SLC35F3: variants seen among roughly 807,000 people sequenced by gnomAD.
SLC35F3 encodes the protein putative thiamine transporter SLC35F3.
In SLC35F3, 25 loss-of-function variants were observed where a neutral mutation model predicts 49.9. The observed-to-expected ratio is 0.50, with a 90% CI of 0.37 to 0.70. The LOEUF (loss-of-function observed/expected upper bound fraction) is 0.70, where lower values mean the gene tolerates loss of function less well. Among genes scored for constraint, SLC35F3 ranks in the 30% least tolerant of loss-of-function variants. The pLI is 0.00. For synonymous variants in SLC35F3, 275 were observed against 265.4 expected (o/e 1.04, Z -0.35); for missense variants, 525 against 639.8 (o/e 0.82, Z 1.94).
intron 2 of SLC35F3, among the ~76,000 whole-genome samples, chr1:233,947,283 G>T (rs1374561735): frequency 6.6e-6 from 1 of 152,084 alleles, no homozygotes; most frequent in East Asian, 1.9e-4. Context: ...GCCACATAGG[G>T]CATATGTCCA....
intron 2 of SLC35F3, among the ~76,000 whole-genome samples, chr1:233,991,539 C>T (rs936562176): frequency 6.6e-6 from 1 of 152,170 alleles, no homozygotes; most frequent in African/African-American, 2.4e-5. Flanking sequence ...TCAATTCCTC[C>T]TTTGTTCTTG....
At chr1:234,157,344 A>G (rs1427947014) in intron 2 of SLC35F3, among the ~76,000 whole-genome samples, 1 of 152,160 alleles carries the variant, frequency 6.6e-6, no homozygotes, top group Non-Finnish European at 1.5e-5. Context: ...CCTTTTAAAC[A>G]TAAGCCAGAT....
intron 3 of SLC35F3, among the ~76,000 whole-genome samples, chr1:234,266,096 G>T (rs1667975118): frequency 1.3e-5 from 2 of 152,138 alleles, no homozygotes; most frequent in African/African-American, 4.8e-5. Context: ...TACTCTATAT[G>T]TGTTTGTTTG....
In SLC35F3 at chr1:234,299,783, C is replaced by T. The variant is rs189886611; in HGVS notation, c.609-9318C>T. Among the ~76,000 whole-genome samples the T allele has an allele frequency of 4.2e-3, 468 of 112,066 alleles. 5 individuals carry two copies. The highest frequency in any genetic ancestry group is 0.016 in the African/African-American group (441 of 27,752). 73.5% of individuals were successfully genotyped at this position (112,066 alleles called of 152,430 possible). The stretch of plus-strand genomic sequence containing the variant: ...TTGCACCACTGCACTCCAGCCTGAG[C>T]GATAGAGCAAGACTCCATCTCAAAA... On this transcript the variant is annotated intron_variant, in intron 3 of 7. Transcript: ENST00000366618.
chr1:234,001,739 A>G (rs531011589), intron 2 of SLC35F3, among the ~76,000 whole-genome samples: 1 of 152,326 alleles, frequency 6.6e-6, no homozygotes, highest in Admixed American at 6.5e-5. Flanking sequence ...GACTTTAGCA[A>G]GGAAGAGGGC....
chr1:234,253,525 C>T (rs1173798105), intron 3 of SLC35F3, among the ~76,000 whole-genome samples: 2 of 149,992 alleles, frequency 1.3e-5, no homozygotes, highest in Non-Finnish European at 3.0e-5. Context: ...GAAGGATAAA[C>T]AAGAAAACTA....
chr1:234,295,837 C>T (rs776171252), intron 3 of SLC35F3, among the ~76,000 whole-genome samples: 8 of 152,208 alleles, frequency 5.3e-5, no homozygotes, highest in South Asian at 2.1e-4. Flanking sequence ...GGGACTCTGA[C>T]GGGCACCCTC....
rs12137461 is a variant in SLC35F3, at chr1:234,041,406, T to C, written c.283+135648T>C. ...GAGGGATTTCTTTCCAGACCTGAAA[T>C]TGATATACATCATTTCCACCTACAT... is the stretch of plus-strand genomic sequence containing the variant. On this transcript the variant is annotated intron_variant, in intron 2 of 7. Coordinates refer to ENST00000366618, the MANE Select transcript of SLC35F3 (RefSeq NM_173508.4). Among the ~76,000 whole-genome samples the C allele has an allele frequency of 3.3e-5, 5 of 152,012 alleles. No homozygotes were observed. The South Asian group carries it at 1.0e-3, about 31-fold the overall frequency.
At chr1:234,224,223 C>T (rs995408759) in intron 2 of SLC35F3, among the ~76,000 whole-genome samples, 2 of 152,094 alleles carry the variant, frequency 1.3e-5, no homozygotes, top group Admixed American at 6.6e-5. Context: ...CACCACCATG[C>T]GCAGCTAATT....
In SLC35F3 at chr1:234,027,596, G is replaced by T. The variant is rs1365227735; in HGVS notation, c.283+121838G>T. 6.6e-6 allele frequency among the ~76,000 whole-genome samples: 1 copy of T among 152,152 alleles called. No individual in the cohort carries two copies. Among genetic ancestry groups the T allele is most frequent in the Non-Finnish European group, 1.5e-5 (1 of 68,032 alleles). On this transcript the variant is annotated intron_variant, in intron 2 of 7. Coordinates refer to ENST00000366618, the MANE Select transcript of SLC35F3 (RefSeq NM_173508.4). The surrounding 1 kb of genome is among the most constrained non-coding windows in gnomAD (Gnocchi z 4.1). ...TCTCTGATCTAAGCAAGACAAAAAC[G>T]AGGGCCTAAACTAAGCTGGTCACAG...
rs369266883 is a variant in SLC35F3 at position 234,270,654 on chromosome 1, G to A, written c.609-38447G>A. Among the ~76,000 whole-genome samples, 369 of 152,336 alleles carry A rather than the reference G, an allele frequency of 2.4e-3. 1 individual carries two copies. Among genetic ancestry groups the A allele is most frequent in the African/African-American group, 8.4e-3 (350 of 41,574 alleles). On this transcript the variant is annotated intron_variant, in intron 3 of 7. Transcript: ENST00000366618. ...CTCATTGCACATTCTGGAGGTCCGT[G>A]CTGGCCCAGCCCTGCTAACTGTGAT... is the stretch of plus-strand genomic sequence containing the variant.
chr1:234,139,499 T>C (rs1665859476), intron 2 of SLC35F3, among the ~76,000 whole-genome samples: 1 of 152,176 alleles, frequency 6.6e-6, no homozygotes, highest in Non-Finnish European at 1.5e-5. Flanking sequence ...TGGGACACAC[T>C]TATAGTTTTT....
At chr1:234,111,341 G>T (rs535128570) in intron 2 of SLC35F3, among the ~76,000 whole-genome samples, 1 of 152,176 alleles carries the variant, frequency 6.6e-6, no homozygotes, top group Non-Finnish European at 1.5e-5. Context: ...GCCCAGGCTG[G>T]AGTGTAATGG....
intron 2 of SLC35F3, among the ~76,000 whole-genome samples, chr1:233,913,138 G>A (rs1403369429): frequency 1.3e-5 from 2 of 152,204 alleles, no homozygotes; most frequent in South Asian, 2.1e-4. Context: ...TTCAGCTGGA[G>A]GAGTCATTCA....
chr1:234,033,757 G>A (rs1664101384), intron 2 of SLC35F3, among the ~76,000 whole-genome samples: 1 of 152,134 alleles, frequency 6.6e-6, no homozygotes, highest in Non-Finnish European at 1.5e-5. Context: ...AGTGACTATA[G>A]TAGCCTTATA....
intron 3 of SLC35F3, among the ~76,000 whole-genome samples, chr1:234,240,298 C>T (rs1035631811): frequency 3.3e-5 from 5 of 151,760 alleles, no homozygotes; most frequent in Admixed American, 6.6e-5. Flanking sequence ...GACGAAACCC[C>T]GTCTCTACTG....
chr1:234,180,843 A>G (rs1412863792), intron 2 of SLC35F3, among the ~76,000 whole-genome samples: 1 of 152,170 alleles, frequency 6.6e-6, no homozygotes, highest in Non-Finnish European at 1.5e-5. Flanking sequence ...TTAGCTTTTT[A>G]TTATCAAAAA....
chr1:234,136,422 G>A (rs980573944), intron 2 of SLC35F3, among the ~76,000 whole-genome samples: 6 of 150,150 alleles, frequency 4.0e-5, no homozygotes, highest in African/African-American at 1.5e-4. Flanking sequence ...TGTTGCCTGG[G>A]CTGGCTGTGA....
intron 2 of SLC35F3, among the ~76,000 whole-genome samples, chr1:234,224,770 G>A (rs1284306164): frequency 6.6e-6 from 1 of 152,168 alleles, no homozygotes; most frequent in Non-Finnish European, 1.5e-5. Flanking sequence ...CAGAACCTCA[G>A]CTGTCCAATA....
Sources: gnomAD v4.1 joint callset for allele counts (sites outside exome capture counted in the v4.1 genomes callset) on GRCh38, gnomAD v4.1.1 for gene constraint, Gnocchi (gnomAD v3.1) non-coding constraint, MANE v1.5 for transcripts, NCBI Gene and HGNC (gene_info 2026-07-23, HGNC 2026-07-21) for gene names.